Variants in PRCC observed in about 807,000 individuals in gnomAD.
PRCC encodes proline-rich protein PRCC.
Under a neutral mutation model 44.0 loss-of-function variants are expected in PRCC, and 10 were observed. The observed-to-expected ratio is 0.23, with a 90% confidence interval of 0.14 to 0.39. The LOEUF is 0.39. Ranked by LOEUF, PRCC falls within the 10% of genes least tolerant of loss-of-function variation. PRCC has a pLI of 1.00. For missense variants in PRCC, 573 were observed against 624.7 expected, an observed-to-expected ratio of 0.92 and a Z score of 0.88; for synonymous variants, 278 against 259.5, an observed-to-expected ratio of 1.07 and a Z score of -0.69.
At chr1:156,787,501 GT>G (rs143480655) in intron 3 of PRCC, among the ~76,000 whole-genome samples, 33,675 of 117,380 alleles carry the variant, frequency 0.29, 4,748 homozygotes, top group Middle Eastern at 0.43. Flanking sequence ...ATATATATCT[GT>G]TTTTTTTTCT....
intron 1 of PRCC, among the ~76,000 whole-genome samples, chr1:156,775,355 GTT>G (rs879585465): frequency 1.4e-5 from 2 of 142,236 alleles, no homozygotes. Context: ...TCTTTCTTTT[GTT>G]TTTTTTTTTT....
At position 156,768,209 on chromosome 1, in the gene PRCC, G is replaced by A; in HGVS notation, c.438G>A (p.Lys146=). Residue 146 remains lysine (K), a synonymous_variant, in exon 1 of 7, where the codon AAG becomes AAA. Transcript: ENST00000271526. ...CAAAGAAGAGGAAAGAGCCCGTGAA[G>A]ATCGCGGCGCCGGAGTTGCATAAGG... The part of the protein sequence containing the change: ...PKPKKRKEPV[K]IAAPELHKGD... The A allele has an allele frequency of 6.5e-7, 1 of 1,545,592 alleles. No homozygotes were observed. The highest frequency in any genetic ancestry group is 8.7e-7 in the Non-Finnish European group (1 of 1,147,306).
intron 1 of PRCC, among the ~76,000 whole-genome samples, chr1:156,780,374 C>T (rs1010630310): frequency 6.7e-6 from 1 of 148,574 alleles, no homozygotes; most frequent in Non-Finnish European, 1.5e-5. Context: ...ATGGTAAATT[C>T]TATTGTTAAT....
At chr1:156,775,926 G>C (rs1651813395) in intron 1 of PRCC, among the ~76,000 whole-genome samples, 2 of 152,248 alleles carry the variant, frequency 1.3e-5, no homozygotes, top group East Asian at 1.9e-4. Context: ...GGATTATAGG[G>C]GTGAACCACT....
intron 1 of PRCC, 133 bp from the exon 2 acceptor site, chr1:156,782,149 G>A (rs1020603434): frequency 2.8e-5 from 19 of 678,884 alleles, no homozygotes; most frequent in Non-Finnish European, 4.7e-5. Flanking sequence ...CCTGGGGTGA[G>A]TGTACCTCTG....
In PRCC at chr1:156,781,524, T is replaced by C. The variant is rs74118761; in HGVS notation, c.469-758T>C. Among the ~76,000 whole-genome samples the C allele has an allele frequency of 8.3e-3, 1,257 of 152,328 alleles. 17 individuals are homozygous for C. The highest frequency in any genetic ancestry group is 0.029 in the African/African-American group (1,201 of 41,560). ...TGTTAAAGCTTGCTATTCATATGCC[T>C]TGCGGCTCTCCTTGACTTGAAGGTG... On this transcript the variant is annotated intron_variant, in intron 1 of 6. Coordinates refer to ENST00000271526, the MANE Select transcript of PRCC (RefSeq NM_005973.5).
In PRCC at chr1:156,767,555, T is replaced by C. The variant is rs1187459443; in HGVS notation, c.-217T>C. 3.5e-6 allele frequency: 2 copies of C among 575,492 alleles called. No homozygotes were observed. Among genetic ancestry groups the C allele is most frequent in the Non-Finnish European group, 6.1e-6 (2 of 327,604 alleles). 35.6% of individuals were successfully genotyped at this position (575,492 alleles called of 1,614,324 possible). ...TCGGCGGCCATTAGCTGTGTGTAGTTGCCCGGGACTAGGAGCTTAAGTGAA... is the reference window on the plus strand; with the variant it reads ...TCGGCGGCCATTAGCTGTGTGTAGTCGCCCGGGACTAGGAGCTTAAGTGAA... On this transcript the variant is annotated 5_prime_UTR_variant, in exon 1 of 7. Coordinates refer to ENST00000271526, the MANE Select transcript of PRCC (RefSeq NM_005973.5).
chr1:156,794,159 G>A (rs1652582341), intron 4 of PRCC, among the ~76,000 whole-genome samples: 2 of 151,744 alleles, frequency 1.3e-5, no homozygotes, highest in African/African-American at 4.8e-5. Flanking sequence ...GTTTCTCCAT[G>A]TTGGTCAGGC....
chr1:156,772,531 TCTC>T (rs1343038914), intron 1 of PRCC, among the ~76,000 whole-genome samples: 6 of 152,320 alleles, frequency 3.9e-5, no homozygotes, highest in South Asian at 2.1e-4. Flanking sequence ...GAGGCAGACT[TCTC>T]CTAGCATATG....
chr1:156,780,544 TC>T (rs1416988304), intron 1 of PRCC, among the ~76,000 whole-genome samples: 1 of 151,084 alleles, frequency 6.6e-6, no homozygotes, highest in Non-Finnish European at 1.5e-5. Context: ...AGCCTTGACC[TC>T]CTAGGCTCAG....
At position 156,800,626 on chromosome 1, in the gene PRCC, T is replaced by G; in HGVS notation, c.*166T>G. 1.5e-6 allele frequency: 1 copy of G among 674,578 alleles called. No homozygotes were observed. The highest frequency in any genetic ancestry group is 2.8e-5 in the East Asian group (1 of 36,240). The allele number at this position is 674,578 out of a possible 1,614,324, so 41.8% of individuals were successfully genotyped here. Reference sequence around the variant, plus strand: ...TATTTGATAGATTTTTCTTAACAAGTTAGAAAATTCAGCTCCTTTCTGTCC... The same window carrying G: ...TATTTGATAGATTTTTCTTAACAAGGTAGAAAATTCAGCTCCTTTCTGTCC... On this transcript the variant is annotated 3_prime_UTR_variant, in exon 7 of 7. Coordinates refer to ENST00000271526, the MANE Select transcript of PRCC (RefSeq NM_005973.5).
At chr1:156,795,074 T>C (rs1297580833) in intron 5 of PRCC, among the ~76,000 whole-genome samples, 1 of 152,162 alleles carries the variant, frequency 6.6e-6, no homozygotes, top group Non-Finnish European at 1.5e-5. Flanking sequence ...CAGCCTGTGG[T>C]TGTGGCTTCT....
chr1:156,774,180 TTTTTTTTTTTTTTG>T (rs1389130960), intron 1 of PRCC, among the ~76,000 whole-genome samples: 7 of 111,088 alleles, frequency 6.3e-5, no homozygotes, highest in African/African-American at 2.5e-4. Flanking sequence ...TTTTTTTTTT[TTTTTTTTTTTTTTG>T]AGACAGAGTC....
Position 156,783,050 on chromosome 1 carries a change from A to C in PRCC, c.516+721A>C, listed in dbSNP as rs192666985. ...CTTCCGAGTAGCTGGGTTTACAGGC[A>C]TGCGCCACCACACCCGGCTAATTTT... On this transcript the variant is annotated intron_variant, in intron 2 of 6. Transcript: ENST00000271526. Among the ~76,000 whole-genome samples the C allele has an allele frequency of 1.9e-4, 29 of 152,226 alleles. 1 individual carries two copies. The East Asian group carries it at 5.4e-3, about 28-fold the overall frequency.
Position 156,795,285 on chromosome 1 carries a change from G to GTTTTTTTTTTTTTTTTTTTTT in PRCC, c.1323+481_1323+501dup, listed in dbSNP as rs35911411. Among the ~76,000 whole-genome samples the GTTTTTTTTTTTTTTTTTTTTT allele has an allele frequency of 6.4e-4, 23 of 36,062 alleles. 6 individuals are homozygous for GTTTTTTTTTTTTTTTTTTTTT. The highest frequency in any genetic ancestry group is 4.0e-3 in the South Asian group (2 of 498). 23.7% of individuals were successfully genotyped at this position (36,062 alleles called of 152,430 possible). A position where few individuals can be genotyped will look rare whatever the true frequency, so the allele number is the denominator to read the frequency against. On this transcript the variant is annotated intron_variant, in intron 5 of 6. Coordinates refer to ENST00000271526, the MANE Select transcript of PRCC (RefSeq NM_005973.5). The stretch of plus-strand genomic sequence containing the variant: ...CTTCCAATTGTTTTCATTTTCTGGT[G>GTTTTTTTTTTTTTTTTTTTTT]TTTTTTTTTTTTTTTTTTTTTTTTC...
intron 3 of PRCC, 147 bp downstream of exon 3, chr1:156,787,321 T>TGTG: frequency 1.1e-6 from 1 of 903,284 alleles, no homozygotes; most frequent in Non-Finnish European, 1.7e-6. Flanking sequence ...ACCTTTATTC[T>TGTG]GAACCATATT....
intron 1 of PRCC, among the ~76,000 whole-genome samples, chr1:156,772,490 A>G (rs570433942): frequency 2.6e-5 from 4 of 152,322 alleles, no homozygotes; most frequent in African/African-American, 4.8e-5. Context: ...CTGTGACCCA[A>G]GCTACACTGG....
chr1:156,787,497 ATC>A (rs1449632126), intron 3 of PRCC, among the ~76,000 whole-genome samples: 18 of 70,322 alleles, frequency 2.6e-4, no homozygotes, highest in African/African-American at 1.1e-3. Context: ...ATATATATAT[ATC>A]TGTTTTTTTT....
chr1:156,777,267 G>T (rs554255171), intron 1 of PRCC, among the ~76,000 whole-genome samples: 2 of 152,250 alleles, frequency 1.3e-5, no homozygotes, highest in East Asian at 3.9e-4. Flanking sequence ...TGGTGTTCCC[G>T]CAAAAGCACG....
Sources: allele counts gnomAD v4.1 joint callset (sites outside exome capture counted in the v4.1 genomes callset), GRCh38; gene constraint gnomAD v4.1.1; transcripts MANE v1.5; gene names NCBI Gene and HGNC (gene_info 2026-07-23, HGNC 2026-07-21).